Variants in SEC24B observed in about 807,000 individuals in gnomAD.
The protein encoded by SEC24B is SEC24 homolog B, COPII component.
A neutral mutation model predicts 142.8 loss-of-function variants in SEC24B; 45 were observed. That is an observed-to-expected ratio of 0.32 (90% CI 0.25 to 0.40). The LOEUF is 0.40. Ranked by LOEUF, SEC24B falls within the 10% of genes least tolerant of loss-of-function variation. The pLI, the probability that SEC24B is intolerant of heterozygous loss-of-function variation, is 1.00. For synonymous variants in SEC24B, 574 were observed against 568.2 expected (o/e 1.01, Z -0.15); for missense variants, 1,409 against 1,526.8 (o/e 0.92, Z 1.29).
In SEC24B at chr4:109,463,143, A is replaced by G. The variant is rs933928201; in HGVS notation, c.376A>G (p.Ile126Val). ...LYSRGPPAPH[I>V]VGSTLGSFQG... ...CAGCAGGGGTCCTCCTGCCCCTCAT[A>G]TTGTGGGATCCACTCTAGGATCTTT... is the stretch of plus-strand genomic sequence containing the variant. Residue 126 changes from isoleucine (I) to valine (V), a missense_variant, in exon 2 of 24, where the codon ATT becomes GTT. Physicochemically the swap from Ile to Val is conservative, Grantham distance 29 (BLOSUM62 3). Around this residue, in one of 2 missense-constraint regions of SEC24B, gnomAD observed 709 missense variants for 673.5 expected, o/e 1.05. Coordinates refer to ENST00000265175, the MANE Select transcript of SEC24B (RefSeq NM_006323.5). 1.2e-6 allele frequency: 2 copies of G among 1,613,972 alleles called. No individual in the cohort carries two copies. Among genetic ancestry groups the G allele is most frequent in the African/African-American group, 2.7e-5 (2 of 74,886 alleles).
At position 109,487,205 on chromosome 4, in the gene SEC24B, A is replaced by ATTGAGAATG. The variant is rs542844315; in HGVS notation, c.1166-4120_1166-4112dup. Among the ~76,000 whole-genome samples the ATTGAGAATG allele has an allele frequency of 3.2e-3, 477 of 151,380 alleles. 4 individuals are homozygous for ATTGAGAATG. The highest frequency in any genetic ancestry group is 0.011 in the African/African-American group (434 of 41,216). ...AAAAAGAAAAGTGTATTAATTCAGGATTGAGAATGTGCTCCTGCATAGAAG... is the reference window on the plus strand; with the variant it reads ...AAAAAGAAAAGTGTATTAATTCAGGATTGAGAATGTTGAGAATGTGCTCCTGCATAGAAG... On this transcript the variant is annotated intron_variant, in intron 4 of 23. Coordinates refer to ENST00000265175, the MANE Select transcript of SEC24B (RefSeq NM_006323.5).
rs1731461552 is a variant in SEC24B, at chr4:109,463,079, T to C, written c.312T>C (p.Pro104=). 1 of 1,614,050 alleles carries C rather than the reference T, an allele frequency of 6.2e-7. No homozygotes were observed. The highest frequency in any genetic ancestry group is 1.1e-5 in the South Asian group (1 of 91,080). The change falls in exon 2 of 24, where the codon CCT becomes CCC. Residue 104 remains proline, a synonymous_variant. Coordinates refer to ENST00000265175, the MANE Select transcript of SEC24B (RefSeq NM_006323.5). The part of the protein sequence containing the change: ...LYTVPTQNVT[P]NTVNQQPGAQ... ...CAGTACCAACACAAAATGTGACTCC[T>C]AACACAGTGAACCAGCAACCAGGAG...
chr4:109,520,084 T>G (rs959591551), intron 11 of SEC24B, among the ~76,000 whole-genome samples: 3 of 152,242 alleles, frequency 2.0e-5, no homozygotes, highest in South Asian at 4.1e-4. Flanking sequence ...AAAATCTGAT[T>G]TGCAGTATAT....
At chr4:109,532,799 A>G in intron 21 of SEC24B, 56 bp downstream of exon 21, 1 of 856,252 alleles carries the variant, frequency 1.2e-6, no homozygotes, top group Non-Finnish European at 2.0e-6. Flanking sequence ...AAAAACAAAG[A>G]AACACTTATA....
intron 11 of SEC24B, among the ~76,000 whole-genome samples, chr4:109,519,458 A>C (rs1723366224): frequency 6.6e-6 from 1 of 152,232 alleles, no homozygotes; most frequent in Non-Finnish European, 1.5e-5. Flanking sequence ...TGTTTTTGGA[A>C]AGGGCTCTGG....
At chr4:109,519,173 G>C (rs991765574) in intron 11 of SEC24B, among the ~76,000 whole-genome samples, 6 of 152,090 alleles carry the variant, frequency 3.9e-5, no homozygotes, top group African/African-American at 1.4e-4. Flanking sequence ...AAAATACCAG[G>C]TTGATGCATG....
chr4:109,435,213 C>T (rs561347579), intron 1 of SEC24B, among the ~76,000 whole-genome samples: 15 of 152,196 alleles, frequency 9.9e-5, no homozygotes, highest in Non-Finnish European at 1.5e-4. Flanking sequence ...TTGAGTGATA[C>T]TTTAGCCTTA....
intron 22 of SEC24B, among the ~76,000 whole-genome samples, chr4:109,535,729 G>A (rs1725462399): frequency 1.3e-5 from 2 of 152,076 alleles, no homozygotes; most frequent in African/African-American, 4.8e-5. Flanking sequence ...GCAGGCGCCT[G>A]TAGTCCCAGC....
chr4:109,462,949 A>G lies in SEC24B; in HGVS notation c.182A>G (p.His61Arg). ...GTTCCATCTGGATATGGATTGCATC[A>G]TCAAAACTATATTGCTCCCTCAGGA... Reference protein sequence around the residue: ...MQVPSGYGLHHQNYIAPSGHY... With the variant: ...MQVPSGYGLHRQNYIAPSGHY... The change falls in exon 2 of 24, where the codon CAT (histidine) becomes CGT (arginine). Residue 61 changes from histidine (H) to arginine (R), a missense_variant. His to Arg is a conservative substitution (Grantham distance 29). This residue lies in a region of SEC24B where 709 missense variants were observed against 673.5 expected (regional missense o/e 1.05). Transcript: ENST00000265175. 1 of 1,613,072 alleles carries G rather than the reference A, an allele frequency of 6.2e-7. No individual in the cohort carries two copies. Among genetic ancestry groups the G allele is most frequent in the Non-Finnish European group, 8.5e-7 (1 of 1,180,008 alleles).
intron 4 of SEC24B, among the ~76,000 whole-genome samples, chr4:109,483,236 C>A (rs866780171): frequency 6.6e-6 from 1 of 150,994 alleles, no homozygotes; most frequent in Non-Finnish European, 1.5e-5. Flanking sequence ...CCCGCCACCA[C>A]GCCTGGCTAA....
At chr4:109,496,646 C>T (rs1003666781) in intron 6 of SEC24B, among the ~76,000 whole-genome samples, 1 of 152,014 alleles carries the variant, frequency 6.6e-6, no homozygotes, top group East Asian at 1.9e-4. Flanking sequence ...CCATCTTGAG[C>T]AGGGGTGGGG....
intron 8 of SEC24B, among the ~76,000 whole-genome samples, chr4:109,510,961 A>G (rs1737254239): frequency 6.6e-6 from 1 of 152,164 alleles, no homozygotes; most frequent in African/African-American, 2.4e-5. Flanking sequence ...CTTTACTACC[A>G]GGAAGTATAG....
chr4:109,433,875 GGCCCCC>G lies in SEC24B; in HGVS notation c.10_15del (p.Pro4_Ala5del). ...CCGTCGCCACCAGCGCCGTCATGTCGGCCCCCGCCGGGTCCTCTCACCCGGCCGCCA... is the reference window on the plus strand; with the variant it reads ...CCGTCGCCACCAGCGCCGTCATGTCGGCCGGGTCCTCTCACCCGGCCGCCA... On this transcript the variant is annotated inframe_deletion, in exon 1 of 24. Transcript: ENST00000265175. 1 of 1,334,340 alleles carries G rather than the reference GGCCCCC, an allele frequency of 7.5e-7. No individual in the cohort carries two copies. 82.7% of individuals were successfully genotyped at this position (1,334,340 alleles called of 1,614,324 possible).
At position 109,473,368 on chromosome 4, in the gene SEC24B, A is replaced by G. The variant is rs376613609; in HGVS notation, c.1060+182A>G. On this transcript the variant is annotated intron_variant, in intron 3 of 23. Coordinates refer to ENST00000265175, the MANE Select transcript of SEC24B (RefSeq NM_006323.5). ...TGTATTTTGCTTTTCTTTTTATTAC[A>G]CATAGTTCTTCATATATATTGAGTC... Among the ~76,000 whole-genome samples, 4 of 152,254 alleles carry G rather than the reference A, an allele frequency of 2.6e-5. No homozygotes were observed. In the East Asian group the frequency reaches 5.8e-4, roughly 22 times the overall value.
intron 2 of SEC24B, among the ~76,000 whole-genome samples, chr4:109,472,242 G>C (rs1561100948): frequency 1.3e-5 from 2 of 152,132 alleles, no homozygotes; most frequent in Admixed American, 6.5e-5. Context: ...TATCGTGACT[G>C]CTCACCAGTA....
At chr4:109,496,717 A>G (rs1045812278) in intron 6 of SEC24B, among the ~76,000 whole-genome samples, 23 of 152,172 alleles carry the variant, frequency 1.5e-4, no homozygotes, top group African/African-American at 5.5e-4. Flanking sequence ...AGTACAGAGG[A>G]AAAAGGAAGA....
chr4:109,508,619 C>G (rs1360399306), intron 7 of SEC24B, among the ~76,000 whole-genome samples: 1 of 151,634 alleles, frequency 6.6e-6, no homozygotes, highest in Admixed American at 6.6e-5. Context: ...ATAAGAGAAC[C>G]CATAGGTAAG....
chr4:109,462,583 TGA>T lies in SEC24B; in HGVS notation c.134-313_134-312del, dbSNP rs1731377625. On this transcript the variant is annotated intron_variant, in intron 1 of 23. Coordinates refer to ENST00000265175, the MANE Select transcript of SEC24B (RefSeq NM_006323.5). ...TTAGCTTCTTTCAGACTGGGGTATC[TGA>T]GAGAAAGAGAGCCAGAGCTCAAGAC... Among the ~76,000 whole-genome samples, 8 of 152,236 alleles carry T rather than the reference TGA, an allele frequency of 5.3e-5. 1 individual carries two copies. In the South Asian group the frequency reaches 1.7e-3, roughly 32 times the overall value.
chr4:109,488,271 C>T, intron 4 of SEC24B, among the ~76,000 whole-genome samples: 1 of 152,034 alleles, frequency 6.6e-6, no homozygotes, highest in East Asian at 1.9e-4. Context: ...CCCATTCTAC[C>T]CTCCCCGCAC....
Sources: allele counts gnomAD v4.1 joint callset (sites outside exome capture counted in the v4.1 genomes callset), GRCh38; gene constraint gnomAD v4.1.1; regional missense constraint gnomAD v4.1.1; transcripts MANE v1.5; gene names NCBI Gene and HGNC (gene_info 2026-07-23, HGNC 2026-07-21).